EEF2K: variants seen among roughly 807,000 people sequenced by gnomAD.
EEF2K encodes the protein alternative protein EEF2K.
EEF2K carries 70 observed loss-of-function variants against 93.8 expected under a neutral mutation model. That is an observed-to-expected ratio of 0.75 (90% CI 0.62 to 0.91). The LOEUF is 0.91. Ranked by LOEUF, EEF2K falls within the 40% of genes least tolerant of loss-of-function variation. EEF2K has a pLI of 0.00. For synonymous variants in EEF2K, 376 were observed against 380.8 expected, an observed-to-expected ratio of 0.99 and a Z score of 0.15; for missense variants, 935 against 972.9, an observed-to-expected ratio of 0.96 and a Z score of 0.52.
At chr16:22,255,199 G>C (rs1425801004) in intron 6 of EEF2K, among the ~76,000 whole-genome samples, 1 of 152,212 alleles carries the variant, frequency 6.6e-6, no homozygotes, top group Non-Finnish European at 1.5e-5. Flanking sequence ...ATTCAGAAAT[G>C]TTCCCAAATT....
At chr16:22,217,228 T>TAG (rs146522060) in intron 1 of EEF2K, among the ~76,000 whole-genome samples, 9,995 of 135,980 alleles carry the variant, frequency 0.074, 1,187 homozygotes, top group African/African-American at 0.25. Context: ...GATAGATAGA[T>TAG]AGAGAGAGAG....
chr16:22,229,031 C>T (rs1411794494), intron 2 of EEF2K, among the ~76,000 whole-genome samples: 1 of 152,034 alleles, frequency 6.6e-6, no homozygotes, highest in Non-Finnish European at 1.5e-5. Flanking sequence ...CCCAGCTTCT[C>T]AGGAGGCTGA....
Position 22,250,681 on chromosome 16 carries a change from T to C in EEF2K, c.436T>C (p.Cys146Arg). 6.2e-7 allele frequency: 1 copy of C among 1,613,968 alleles called. No homozygotes were observed. The highest frequency in any genetic ancestry group is 8.5e-7 in the Non-Finnish European group (1 of 1,179,996). Residue 146 changes from cysteine (C) to arginine (R), a missense_variant, in exon 5 of 18, where the codon TGC (cysteine) becomes CGC (arginine). Physicochemically the swap from Cys to Arg is radical, Grantham distance 180. Coordinates refer to ENST00000263026, the MANE Select transcript of EEF2K (RefSeq NM_013302.5). ...QPFGRGAMRE[C>R]FRTKKLSNFL... ...CTTCGGCCGAGGAGCAATGAGGGAG[T>C]GCTTCCGGACGTAAGTGACTCAGCC...
At chr16:22,209,423 T>C (rs59351479) in intron 1 of EEF2K, among the ~76,000 whole-genome samples, 12,932 of 152,214 alleles carry the variant, frequency 0.085, 1,089 homozygotes, top group East Asian at 0.52. Context: ...TTGCCGGGAC[T>C]CTGGGAGCTG....
intron 15 of EEF2K, among the ~76,000 whole-genome samples, chr16:22,271,459 C>T (rs1367658703): frequency 1.3e-5 from 2 of 152,070 alleles, no homozygotes; most frequent in Non-Finnish European, 2.9e-5. Flanking sequence ...GAGGCCAAGG[C>T]AGGAGGATTG....
intron 2 of EEF2K, among the ~76,000 whole-genome samples, chr16:22,236,333 G>A (rs2047167138): frequency 7.0e-6 from 1 of 143,556 alleles, no homozygotes; most frequent in African/African-American, 2.7e-5. Context: ...TCTCTGAGTT[G>A]TATTTCTTTT....
intron 1 of EEF2K, among the ~76,000 whole-genome samples, chr16:22,217,695 C>T (rs140086901): frequency 0.023 from 3,518 of 152,218 alleles, 118 homozygotes; most frequent in African/African-American, 0.08. Flanking sequence ...TCAGGTGATC[C>T]ACCTGCCTTG....
intron 15 of EEF2K, 90 bp from the exon 16 acceptor site, chr16:22,273,533 AAAC>A: frequency 6.5e-7 from 1 of 1,542,058 alleles, no homozygotes; most frequent in South Asian, 1.2e-5. Flanking sequence ...AGCTCTCAAA[AAAC>A]AGGGTGAAGA....
At position 22,257,761 on chromosome 16, in the gene EEF2K, C is replaced by A. The variant is rs748811271; in HGVS notation, c.1020C>A (p.Thr340=). The stretch of plus-strand genomic sequence containing the variant: ...AGAGGGATGCAGTGAATCAGAACAC[C>A]AAGCTGCTGGTGGGTGCCCAGTGTG... ...PRERDAVNQN[T]KLLQSAKTIL... is the part of the protein sequence containing the mutation. Residue 340 remains threonine, a synonymous_variant, in exon 9 of 18, where the codon ACC becomes ACA. Coordinates refer to ENST00000263026, the MANE Select transcript of EEF2K (RefSeq NM_013302.5). 1.4e-5 allele frequency: 23 copies of A among 1,613,666 alleles called. No individual in the cohort carries two copies. Among genetic ancestry groups the A allele is most frequent in the Non-Finnish European group, 1.9e-5 (23 of 1,179,938 alleles).
chr16:22,211,517 T>C (rs949275834), intron 1 of EEF2K, among the ~76,000 whole-genome samples: 1 of 152,144 alleles, frequency 6.6e-6, no homozygotes, highest in African/African-American at 2.4e-5. Context: ...TGGAGTGCAG[T>C]GGCACAATCT....
At chr16:22,239,429 C>T (rs1050401615) in intron 2 of EEF2K, among the ~76,000 whole-genome samples, 10 of 152,108 alleles carry the variant, frequency 6.6e-5, no homozygotes, top group African/African-American at 2.2e-4. Context: ...GAATTCTCAA[C>T]CCTGCAGGCT....
intron 2 of EEF2K, among the ~76,000 whole-genome samples, chr16:22,238,675 A>G (rs2047192439): frequency 6.6e-6 from 1 of 151,516 alleles, no homozygotes; most frequent in Non-Finnish European, 1.5e-5. Context: ...AGGAAAAAAA[A>G]AAAAAAAAAA....
At chr16:22,240,970 A>G (rs1188232488) in intron 2 of EEF2K, among the ~76,000 whole-genome samples, 1 of 151,762 alleles carries the variant, frequency 6.6e-6, no homozygotes, top group Non-Finnish European at 1.5e-5. Context: ...GGGTTTTACC[A>G]TGTTGGCCAG....
rs750071499 is a variant in EEF2K at position 22,250,644 on chromosome 16, T to C, written c.409-10T>C. 3.0e-5 allele frequency: 49 copies of C among 1,614,086 alleles called. No homozygotes were observed. The highest frequency in any genetic ancestry group is 4.0e-5 in the Non-Finnish European group (47 of 1,180,048). ...TGGGGACTGATAACACTCTGTGTGG[T>C]GTCTTTCAGCCCTTCGGCCGAGGAG... On this transcript the variant is annotated splice_polypyrimidine_tract_variant and intron_variant, in intron 4 of 17. Coordinates refer to ENST00000263026, the MANE Select transcript of EEF2K (RefSeq NM_013302.5).
chr16:22,234,745 G>GC (rs1210580658), intron 2 of EEF2K, among the ~76,000 whole-genome samples: 1 of 151,698 alleles, frequency 6.6e-6, no homozygotes, highest in Non-Finnish European at 1.5e-5. Context: ...ATCCCACCCA[G>GC]CCCCAGGCAA....
chr16:22,266,078 C>T (rs751096675), intron 13 of EEF2K, among the ~76,000 whole-genome samples: 2 of 152,044 alleles, frequency 1.3e-5, no homozygotes, highest in African/African-American at 2.4e-5. Context: ...CTGTATTAGC[C>T]GGGCATGGTG....
At chr16:22,276,455 A>G (rs1412219329) in intron 16 of EEF2K, among the ~76,000 whole-genome samples, 2 of 151,946 alleles carry the variant, frequency 1.3e-5, no homozygotes, top group African/African-American at 4.8e-5. Flanking sequence ...AGCAGTTCCA[A>G]CCCCACCCAT....
chr16:22,240,172 T>C (rs1257461882), intron 2 of EEF2K, among the ~76,000 whole-genome samples: 1 of 150,482 alleles, frequency 6.6e-6, no homozygotes, highest in African/African-American at 2.4e-5. Context: ...ACATGTCTGC[T>C]GTGGGGTTAT....
chr16:22,238,667 GAAAAAAAAA>G lies in EEF2K; in HGVS notation c.247-5952_247-5944del, dbSNP rs10708756. On this transcript the variant is annotated intron_variant, in intron 2 of 17. Coordinates refer to ENST00000263026, the MANE Select transcript of EEF2K (RefSeq NM_013302.5). Reference sequence around the variant, plus strand: ...CTGGTCTCAAAAAAAAAGAAAAAAGGAAAAAAAAAAAAAAAAAAAGCACTGATCATCCTT... The same window carrying G: ...CTGGTCTCAAAAAAAAAGAAAAAAGGAAAAAAAAAAGCACTGATCATCCTT... 4.3e-5 allele frequency among the ~76,000 whole-genome samples: 4 copies of G among 93,464 alleles called. No homozygotes were observed. The East Asian group carries it at 1.1e-3, about 27-fold the overall frequency. 61.3% of individuals were successfully genotyped at this position (93,464 alleles called of 152,430 possible). A position where few individuals can be genotyped will look rare whatever the true frequency, so the allele number is the denominator to read the frequency against.
Sources: gnomAD v4.1 joint callset for allele counts (sites outside exome capture counted in the v4.1 genomes callset) on GRCh38, gnomAD v4.1.1 for gene constraint, MANE v1.5 for transcripts, NCBI Gene and HGNC (gene_info 2026-07-23, HGNC 2026-07-21) for gene names.